The following C2orf76 variants were observed in gnomAD, a reference collection of about 807,000 sequenced individuals.
The protein encoded by C2orf76 is chromosome 2 open reading frame 76.
C2orf76 carries 23 observed loss-of-function variants against 16.9 expected under a neutral mutation model. The observed-to-expected ratio is 1.36, with a 90% CI of 0.98 to 1.93. C2orf76 has a LOEUF of 1.93. Among genes scored for constraint, C2orf76 ranks in the 30% most tolerant of loss-of-function variants. C2orf76 has a pLI of 0.00. For synonymous variants in C2orf76, 48 were observed against 52.3 expected (o/e 0.92, Z 0.35); for missense variants, 152 against 152.6 (o/e 1.00, Z 0.02).
At chr2:119,335,838 T>G (rs1331159506) in intron 2 of C2orf76, among the ~76,000 whole-genome samples, 1 of 152,178 alleles carries the variant, frequency 6.6e-6, no homozygotes, top group African/African-American at 2.4e-5. Context: ...AAGCCCAGTC[T>G]AACCATGAGA....
intron 1 of C2orf76, among the ~76,000 whole-genome samples, chr2:119,364,483 G>C (rs905502846): frequency 2.0e-5 from 3 of 152,132 alleles, no homozygotes; most frequent in Non-Finnish European, 2.9e-5. Context: ...TGGTTTCCAA[G>C]TTCAGTTAAT....
At chr2:119,312,066 G>A (rs7564955) in intron 4 of C2orf76, among the ~76,000 whole-genome samples, 9,839 of 152,172 alleles carry the variant, frequency 0.065, 1,009 homozygotes, top group African/African-American at 0.22. Flanking sequence ...TGGTAAGGGT[G>A]ACAGGATGGG....
chr2:119,358,078 T>C (rs1166971432), intron 1 of C2orf76, among the ~76,000 whole-genome samples: 1 of 152,196 alleles, frequency 6.6e-6, no homozygotes, highest in African/African-American at 2.4e-5. Flanking sequence ...TTAATAACAC[T>C]GCAATGGCCT....
At chr2:119,348,046 C>CAAAAAAAAAAAAAAAAAAAAAAAAAAAAA (rs1205382710) in intron 1 of C2orf76, among the ~76,000 whole-genome samples, 1 of 81,988 alleles carries the variant, frequency 1.2e-5, no homozygotes. Context: ...GGCTCTGTCT[C>CAAAAAAAAAAAAAAAAAAAAAAAAAAAAA]AAAAAAAAAA....
chr2:119,289,897 C>G, the C2orf76 span, among the ~76,000 whole-genome samples: 1 of 151,980 alleles, frequency 6.6e-6, no homozygotes, highest in Non-Finnish European at 1.5e-5. Flanking sequence ...AGGCACCGCT[C>G]TGCACCAGGG....
chr2:119,302,431 G>T lies in C2orf76; in HGVS notation c.*41C>A. 1 of 808,982 alleles carries T rather than the reference G, an allele frequency of 1.2e-6. No individual in the cohort carries two copies. Among genetic ancestry groups the T allele is most frequent in the Non-Finnish European group, 2.0e-6 (1 of 498,012 alleles). 50.1% of individuals were successfully genotyped at this position (808,982 alleles called of 1,614,324 possible). A position where few individuals can be genotyped will look rare whatever the true frequency, so the allele number is the denominator to read the frequency against. On this transcript the variant is annotated 3_prime_UTR_variant, in exon 6 of 6. Coordinates refer to ENST00000334816, the MANE Select transcript of C2orf76 (RefSeq NM_001322331.2). ...CAAAAATTCAGCAGTGGAATAAAGA[G>T]CTTAATACAGGTATGCAAAAAGGAA...
rs1399117508 is a variant in C2orf76, at chr2:119,365,646, T to C, written c.-13+1144A>G. The stretch of plus-strand genomic sequence containing the variant: ...ATTAGAGAGGAATGACTTTGCTTTT[T>C]TAATGATCTCCAGAGAATTTTCCAT... On this transcript the variant is annotated intron_variant, in intron 1 of 5. Coordinates refer to ENST00000334816, the MANE Select transcript of C2orf76 (RefSeq NM_001322331.2). 2.0e-5 allele frequency among the ~76,000 whole-genome samples: 3 copies of C among 152,354 alleles called. No individual in the cohort carries two copies. The East Asian group carries it at 5.8e-4, about 29-fold the overall frequency.
chr2:119,301,987 A>G (rs2104527230), downstream of C2orf76, among the ~76,000 whole-genome samples: 1 of 152,234 alleles, frequency 6.6e-6, no homozygotes, highest in East Asian at 1.9e-4. Context: ...TCAATTGCAC[A>G]TATGGTGGTA....
At chr2:119,354,542 T>A (rs959195861) in intron 1 of C2orf76, among the ~76,000 whole-genome samples, 4 of 152,136 alleles carry the variant, frequency 2.6e-5, no homozygotes, top group Non-Finnish European at 4.4e-5. Flanking sequence ...AAATTTTTTT[T>A]AAAAAACCCT....
At chr2:119,309,111 T>C (rs1678892511) in intron 5 of C2orf76, among the ~76,000 whole-genome samples, 1 of 152,160 alleles carries the variant, frequency 6.6e-6, no homozygotes, top group Non-Finnish European at 1.5e-5. Flanking sequence ...CAGGCTAATC[T>C]AGAGCTCCTG....
intron 5 of C2orf76, chr2:119,311,178 C>G: frequency 1.0e-6 from 1 of 985,440 alleles, no homozygotes; most frequent in Non-Finnish European, 1.2e-6. Flanking sequence ...ATTTTAAATT[C>G]CATGCCTTGG....
At chr2:119,326,399 G>A (rs142581150) in intron 2 of C2orf76, among the ~76,000 whole-genome samples, 18 of 152,128 alleles carry the variant, frequency 1.2e-4, no homozygotes, top group African/African-American at 3.6e-4. Flanking sequence ...TCTGGACTCC[G>A]CTTCCATTAA....
At chr2:119,299,763 TA>T (rs1409949779), downstream of C2orf76, among the ~76,000 whole-genome samples, 1 of 152,246 alleles carries the variant, frequency 6.6e-6, no homozygotes, top group African/African-American at 2.4e-5. Flanking sequence ...ATTATCTACT[TA>T]AAAATGCACA....
intron 1 of C2orf76, among the ~76,000 whole-genome samples, chr2:119,341,101 A>G (rs1276424059): frequency 6.6e-6 from 1 of 152,024 alleles, no homozygotes; most frequent in Non-Finnish European, 1.5e-5. Context: ...TTACACTCTA[A>G]TTCATATCAT....
chr2:119,302,951 T>C (rs1316863212), intron 5 of C2orf76, among the ~76,000 whole-genome samples: 2 of 129,964 alleles, frequency 1.5e-5, no homozygotes, highest in Non-Finnish European at 3.6e-5. Context: ...GAAAACTCTT[T>C]TCCCCCCCTG....
In C2orf76 at chr2:119,311,684, C is replaced by T. The variant is rs765021964; in HGVS notation, c.242G>A (p.Ser81Asn). The change falls in exon 5 of 6, where the codon AGT (serine) becomes AAT (asparagine). Residue 81 changes from serine (S) to asparagine (N), a missense_variant. Coordinates refer to ENST00000334816, the MANE Select transcript of C2orf76 (RefSeq NM_001322331.2). Reference protein sequence around the residue: ...HKSKTNELVLSLEDDERLLLK... With the variant: ...HKSKTNELVLNLEDDERLLLK... The stretch of plus-strand genomic sequence containing the variant: ...CAGGAGTCTTTCGTCATCTTCCAAA[C>T]TCAACACAAGTTCATTTGTCTAAAA... The T allele has an allele frequency of 1.2e-6, 2 of 1,610,882 alleles. No homozygotes were observed. The highest frequency in any genetic ancestry group is 1.7e-6 in the Non-Finnish European group (2 of 1,179,614).
downstream of C2orf76, among the ~76,000 whole-genome samples, chr2:119,298,674 A>C (rs2104524093): frequency 6.6e-6 from 1 of 152,208 alleles, no homozygotes; most frequent in East Asian, 1.9e-4. Context: ...GGTATCTTCC[A>C]TCTATAAACA....
Position 119,339,703 on chromosome 2 carries a change from C to T in C2orf76, c.133+124G>A. On this transcript the variant is annotated intron_variant, in intron 2 of 5. Transcript: ENST00000334816. ...GCCCAGAACCGGGGCTCGCCCAGCACCTGGCTTGGAACCCAGGTTAATCTT... is the reference window on the plus strand; with the variant it reads ...GCCCAGAACCGGGGCTCGCCCAGCATCTGGCTTGGAACCCAGGTTAATCTT... 4.6e-6 allele frequency: 5 copies of T among 1,077,596 alleles called. No individual in the cohort carries two copies. The South Asian group carries it at 8.9e-5, about 19-fold the overall frequency. 66.8% of individuals were successfully genotyped at this position (1,077,596 alleles called of 1,614,324 possible).
At chr2:119,319,936 C>T (rs1679293001) in intron 3 of C2orf76, among the ~76,000 whole-genome samples, 1 of 152,190 alleles carries the variant, frequency 6.6e-6, no homozygotes, top group Admixed American at 6.5e-5. Flanking sequence ...CAGCCAAGTT[C>T]AGACAAAGCC....
Sources: gnomAD v4.1 joint callset for allele counts (sites outside exome capture counted in the v4.1 genomes callset) on GRCh38, gnomAD v4.1.1 for gene constraint, MANE v1.5 for transcripts, NCBI Gene and HGNC (gene_info 2026-07-23, HGNC 2026-07-21) for gene names.